The following SETX variants were observed in gnomAD, a reference collection of about 807,000 sequenced individuals.
SETX encodes the protein senataxin, also known as helicase senataxin.
Under a neutral mutation model 227.2 loss-of-function variants are expected in SETX, and 90 were observed. The observed-to-expected ratio is 0.40, with a 90% CI of 0.33 to 0.47. SETX has a LOEUF of 0.47. Ranked by LOEUF, SETX falls within the 20% of genes least tolerant of loss-of-function variation. The pLI, the probability that SETX is intolerant of heterozygous loss-of-function variation, is 0.91. For missense variants in SETX, 3,052 were observed against 3,181.5 expected (o/e 0.96, Z 0.98); for synonymous variants, 1,210 against 1,113.2 (o/e 1.09, Z -1.73).
intron 17 of SETX, among the ~76,000 whole-genome samples, chr9:132,287,075 C>A (rs1239558446): frequency 2.0e-5 from 3 of 152,156 alleles, no homozygotes; most frequent in African/African-American, 7.2e-5. Flanking sequence ...TCTGGATCCA[C>A]CCATACTGAA....
intron 6 of SETX, among the ~76,000 whole-genome samples, chr9:132,335,097 G>A (rs545040561): frequency 1.6e-4 from 25 of 151,926 alleles, no homozygotes; most frequent in African/African-American, 5.8e-4. Context: ...AAATGGTATA[G>A]AAGTATTTTG....
chr9:132,328,771 C>T lies in SETX; in HGVS notation c.2827G>A (p.Ala943Thr). 6.2e-7 allele frequency: 1 copy of T among 1,610,690 alleles called. No homozygotes were observed. Among genetic ancestry groups the T allele is most frequent in the Non-Finnish European group, 8.5e-7 (1 of 1,178,740 alleles). ...TCAGATTTAGGACTGATGTCAGGGG[C>T]CTGTTCTCTTGTCAAGTTAGAATAA... ...VIYSNLTREQAPDISPKSDTL... is the reference protein window; with the variant it reads ...VIYSNLTREQTPDISPKSDTL... The change falls in exon 10 of 26, where the codon GCC becomes ACC. Residue 943 changes from alanine to threonine, a missense_variant. Coordinates refer to ENST00000224140, the MANE Select transcript of SETX (RefSeq NM_015046.7).
rs1350668249 is a variant in SETX at position 132,263,972 on chromosome 9, C to CT, written c.*266dup. The CT allele has an allele frequency of 9.5e-6, 5 of 527,262 alleles. No homozygotes were observed. Among genetic ancestry groups the CT allele is most frequent in the Non-Finnish European group, 1.4e-5 (4 of 293,746 alleles). The allele number at this position is 527,262 out of a possible 1,614,324, so 32.7% of individuals were successfully genotyped here. ...ACAACATTCACTCCAGTCTGACCTC[C>CT]TTGTCTATAGAAGACTAAGAGATCA... On this transcript the variant is annotated 3_prime_UTR_variant, in exon 26 of 26. Coordinates refer to ENST00000224140, the MANE Select transcript of SETX (RefSeq NM_015046.7).
At chr9:132,334,465 CAAAAT>C (rs1847464324) in intron 7 of SETX, 138 bp downstream of exon 7, 1 of 958,048 alleles carries the variant, frequency 1.0e-6, no homozygotes, top group Non-Finnish European at 1.6e-6. Context: ...CAAAACAAAA[CAAAAT>C]AAAAAGTCTG....
chr9:132,286,754 G>A (rs989060286), intron 17 of SETX, among the ~76,000 whole-genome samples: 2 of 152,200 alleles, frequency 1.3e-5, no homozygotes, highest in African/African-American at 4.8e-5. Flanking sequence ...TTAACTTCCA[G>A]GTGATTCAAA....
At chr9:132,313,622 CAT>C (rs1239423538) in intron 10 of SETX, among the ~76,000 whole-genome samples, 1 of 152,124 alleles carries the variant, frequency 6.6e-6, no homozygotes, top group Non-Finnish European at 1.5e-5. Context: ...TTTCATAACT[CAT>C]GTGGCCTTGG....
At position 132,326,770 on chromosome 9, in the gene SETX, G is replaced by A. The variant is rs749891883; in HGVS notation, c.4828C>T (p.Leu1610Phe). Residue 1610 changes from leucine (L) to phenylalanine (F), a missense_variant, in exon 10 of 26, where the codon CTT (leucine) becomes TTT (phenylalanine). This residue lies in a region of SETX where 1,483 missense variants were observed against 1,312.0 expected (regional missense o/e 1.13). Coordinates refer to ENST00000224140, the MANE Select transcript of SETX (RefSeq NM_015046.7). ...GAAGAAGTTTCCAAAGATTTAGAAA[G>A]ACCAGCAATTCGTGAAGTACTCTTT... The part of the protein sequence containing the change: ...SSKSTSRIAG[L>F]SKSLETSSAL... 101 of 1,614,106 alleles carry A rather than the reference G, an allele frequency of 6.3e-5. No individual in the cohort carries two copies. The highest frequency in any genetic ancestry group is 8.5e-5 in the Non-Finnish European group (100 of 1,180,040).
chr9:132,323,931 G>A (rs1409829890), intron 10 of SETX, among the ~76,000 whole-genome samples: 3 of 151,818 alleles, frequency 2.0e-5, no homozygotes, highest in African/African-American at 7.3e-5. Flanking sequence ...AGATAAAAAT[G>A]GAAAGAAATT....
At chr9:132,341,040 T>A (rs918698340) in intron 5 of SETX, among the ~76,000 whole-genome samples, 7 of 152,056 alleles carry the variant, frequency 4.6e-5, no homozygotes, top group African/African-American at 1.4e-4. Flanking sequence ...ATCTCCCACA[T>A]TCACCTTTCA....
Position 132,311,802 on chromosome 9 carries a change from C to T in SETX, c.5329G>A (p.Val1777Ile). 1 of 1,613,800 alleles carries T rather than the reference C, an allele frequency of 6.2e-7. No individual in the cohort carries two copies. The highest frequency in any genetic ancestry group is 8.5e-7 in the Non-Finnish European group (1 of 1,179,934). ...PNRENFYQLQ[V>I]RKFPADYIKY... is the part of the protein sequence containing the mutation. The stretch of plus-strand genomic sequence containing the variant: ...ATATAATCGGCAGGAAATTTTCGTA[C>T]TTGCAACTGATAGAAATTCTCTCTA... Residue 1777 changes from valine (V) to isoleucine (I), a missense_variant, in exon 11 of 26, where the codon GTA becomes ATA. Around this residue, in one of 10 missense-constraint regions of SETX, gnomAD observed 239 missense variants for 272.1 expected, o/e 0.88. Transcript: ENST00000224140.
chr9:132,335,480 A>AC (rs894989872), intron 6 of SETX, among the ~76,000 whole-genome samples: 16 of 134,348 alleles, frequency 1.2e-4, no homozygotes, highest in African/African-American at 3.0e-4. Flanking sequence ...GGAAAATTTA[A>AC]TTTTTTTTTT....
intron 2 of SETX, among the ~76,000 whole-genome samples, chr9:132,350,166 A>G (rs2131578990): frequency 6.6e-6 from 1 of 152,330 alleles, no homozygotes; most frequent in South Asian, 2.1e-4. Context: ...CAGCCTGGCC[A>G]ACATGGTGAA....
At chr9:132,317,798 C>CT (rs376222027) in intron 10 of SETX, among the ~76,000 whole-genome samples, 16 of 151,796 alleles carry the variant, frequency 1.1e-4, no homozygotes, top group Non-Finnish European at 2.1e-4. Context: ...ACCTTTCTAG[C>CT]TTTTTTTTAT....
intron 23 of SETX, among the ~76,000 whole-genome samples, chr9:132,273,100 A>C (rs556047810): frequency 1.4e-4 from 22 of 152,308 alleles, no homozygotes; most frequent in African/African-American, 4.8e-4. Flanking sequence ...AAAAATGCAA[A>C]AAACAACACA....
At chr9:132,311,890 A>G (rs975645067) in intron 10 of SETX, 34 bp from the exon 11 acceptor site, 3 of 1,468,536 alleles carry the variant, frequency 2.0e-6, no homozygotes, top group East Asian at 4.5e-5. Context: ...TAAGAAAGCA[A>G]CATTCTGGAA....
rs1171925783 is a variant in SETX, at chr9:132,283,257, C to G, written c.6546+7G>C. The G allele has an allele frequency of 1.9e-6, 3 of 1,614,110 alleles. No individual in the cohort carries two copies. Among genetic ancestry groups the G allele is most frequent in the Non-Finnish European group, 2.5e-6 (3 of 1,180,004 alleles). On this transcript the variant is annotated splice_region_variant and intron_variant, in intron 19 of 25. Coordinates refer to ENST00000224140, the MANE Select transcript of SETX (RefSeq NM_015046.7). Reference sequence around the variant, plus strand: ...AGTCAAAGTTGTATGGCTGACCGTTCACTGACCTCATCAACAATGACACAG... The same window carrying G: ...AGTCAAAGTTGTATGGCTGACCGTTGACTGACCTCATCAACAATGACACAG...
At chr9:132,303,492 T>A (rs764214213) in intron 11 of SETX, among the ~76,000 whole-genome samples, 23 of 151,542 alleles carry the variant, frequency 1.5e-4, no homozygotes, top group Non-Finnish European at 1.6e-4. Context: ...AAATGCTTCT[T>A]AGGATACAAA....
At chr9:132,302,681 C>CAAAAAAAAAAAAA (rs57673567) in intron 11 of SETX, among the ~76,000 whole-genome samples, 2 of 78,482 alleles carry the variant, frequency 2.5e-5, no homozygotes, top group Non-Finnish European at 5.8e-5. Context: ...AAAAAAAAAG[C>CAAAAAAAAAAAAA]AAAAAAAAAA....
rs763545230 is a variant in SETX at position 132,330,130 on chromosome 9, C to T, written c.1468G>A (p.Val490Ile). 45 of 1,612,566 alleles carry T rather than the reference C, an allele frequency of 2.8e-5. No individual in the cohort carries two copies. The highest frequency in any genetic ancestry group is 6.7e-5 in the Admixed American group (4 of 59,964). The change falls in exon 10 of 26, where the codon GTC becomes ATC. Residue 490 changes from valine to isoleucine, a missense_variant. Transcript: ENST00000224140. The part of the protein sequence containing the change: ...VSSQQWVEAV[V>I]KCAKLPTTAF... ...GTGGTAGGAAGCTTGGCACATTTGA[C>T]GACGGCTTCCACCCATTGCTGGGAA... is the stretch of plus-strand genomic sequence containing the variant.
Sources: gnomAD v4.1 joint callset for allele counts (sites outside exome capture counted in the v4.1 genomes callset) on GRCh38, gnomAD v4.1.1 for gene constraint, gnomAD v4.1.1 regional missense constraint, MANE v1.5 for transcripts, NCBI Gene and HGNC (gene_info 2026-07-23, HGNC 2026-07-21) for gene names.